The following PTGIS variants were observed in gnomAD, a reference collection of about 807,000 sequenced individuals.
PTGIS encodes the protein prostacyclin synthase.
PTGIS carries 45 observed loss-of-function variants against 50.3 expected under a neutral mutation model. That is an observed-to-expected ratio of 0.90 (90% CI 0.70 to 1.15). The LOEUF is 1.15. Among genes scored for constraint, PTGIS ranks in the 50% most tolerant of loss-of-function variants. PTGIS has a pLI of 0.00. For missense variants in PTGIS, 668 were observed against 661.3 expected, an observed-to-expected ratio of 1.01 and a Z score of -0.11; for synonymous variants, 260 against 267.7, an observed-to-expected ratio of 0.97 and a Z score of 0.28.
At chr20:49,522,383 A>G (rs1168921845) in intron 6 of PTGIS, among the ~76,000 whole-genome samples, 1 of 151,884 alleles carries the variant, frequency 6.6e-6, no homozygotes, top group Non-Finnish European at 1.5e-5. Flanking sequence ...TCTACATATC[A>G]TCATCTAAAA....
At chr20:49,533,921 A>G (rs1982000941) in intron 5 of PTGIS, among the ~76,000 whole-genome samples, 1 of 152,170 alleles carries the variant, frequency 6.6e-6, no homozygotes, top group Non-Finnish European at 1.5e-5. Flanking sequence ...AGATCGTGCC[A>G]CTGCACTCCA....
At chr20:49,548,089 C>A in intron 2 of PTGIS, 70 bp from the exon 3 acceptor site, 1 of 1,468,054 alleles carries the variant, frequency 6.8e-7, no homozygotes. Flanking sequence ...GTGGTCAGGG[C>A]CTTACTGTGT....
At chr20:49,568,013 T>C in intron 1 of PTGIS, 30 bp downstream of exon 1, 2 of 1,467,840 alleles carry the variant, frequency 1.4e-6, no homozygotes, top group South Asian at 1.3e-5. Context: ...CCCCTTTGTC[T>C]GGCGGGGCCG....
chr20:49,548,075 C>T (rs1403592773), intron 2 of PTGIS, 56 bp from the exon 3 acceptor site: 1 of 1,547,232 alleles, frequency 6.5e-7, no homozygotes, highest in East Asian at 2.3e-5. Flanking sequence ...AGCAGCCGCT[C>T]TCAGTGGTCA....
chr20:49,511,215 C>G (rs1394498823), intron 8 of PTGIS, 36 bp from the exon 9 acceptor site: 2 of 1,611,876 alleles, frequency 1.2e-6, no homozygotes, highest in Non-Finnish European at 1.7e-6. Context: ...TGACCCCATT[C>G]CCAGAACAAG....
At chr20:49,513,653 G>T (rs1981389643) in intron 7 of PTGIS, among the ~76,000 whole-genome samples, 1 of 152,160 alleles carries the variant, frequency 6.6e-6, no homozygotes, top group Admixed American at 6.5e-5. Context: ...TTAGACTGCT[G>T]CTTCTATGCT....
intron 7 of PTGIS, among the ~76,000 whole-genome samples, 175 bp downstream of exon 7, chr20:49,514,052 A>G (rs1478057344): frequency 6.6e-6 from 1 of 152,172 alleles, no homozygotes; most frequent in Non-Finnish European, 1.5e-5. Context: ...CTTGACCCCT[A>G]GCTGAGGCTG....
intron 9 of PTGIS, 137 bp from the exon 10 acceptor site, chr20:49,508,201 G>A: frequency 9.4e-7 from 1 of 1,064,846 alleles, no homozygotes; most frequent in South Asian, 1.3e-5. Flanking sequence ...TGAGGAAGTA[G>A]AAGAAACGCA....
At chr20:49,560,508 G>A (rs1009524723) in intron 1 of PTGIS, among the ~76,000 whole-genome samples, 4 of 152,136 alleles carry the variant, frequency 2.6e-5, no homozygotes, top group African/African-American at 9.7e-5. Flanking sequence ...CAGCCCAAAA[G>A]GGTGAACTAA....
intron 6 of PTGIS, among the ~76,000 whole-genome samples, chr20:49,520,554 A>G (rs1360717831): frequency 2.6e-5 from 4 of 151,714 alleles, no homozygotes; most frequent in African/African-American, 9.7e-5. Context: ...GGCTGGTCTC[A>G]AACTCCTGAT....
rs544783577 is a variant in PTGIS at position 49,517,480 on chromosome 20, A to G, written c.856-3085T>C. Among the ~76,000 whole-genome samples, 469 of 151,958 alleles carry G rather than the reference A, an allele frequency of 3.1e-3. 4 individuals carry two copies. Among genetic ancestry groups the G allele is most frequent in the Admixed American group, 0.017 (259 of 15,258 alleles). ...TGTGTGTGTGTGTGTGTGTGTGTGC[A>G]CACACAACCATAAGAGATCCTGAAT... On this transcript the variant is annotated intron_variant, in intron 6 of 9. Coordinates refer to ENST00000244043, the MANE Select transcript of PTGIS (RefSeq NM_000961.4).
Position 49,558,577 on chromosome 20 carries a change from T to C in PTGIS, c.75-8388A>G, listed in dbSNP as rs565568077. ...ACCCTAAAGAATTGAAAACGTTGGA[T>C]CTTATACAAATGTATACACTATTAT... On this transcript the variant is annotated intron_variant, in intron 1 of 9. Transcript: ENST00000244043. Among the ~76,000 whole-genome samples the C allele has an allele frequency of 3.3e-5, 5 of 152,268 alleles. 1 individual carries two copies. Among genetic ancestry groups the C allele is most frequent in the Admixed American group, 2.6e-4 (4 of 15,298 alleles).
At chr20:49,544,120 T>C (rs1209548673) in intron 4 of PTGIS, among the ~76,000 whole-genome samples, 185 bp downstream of exon 4, 5 of 152,236 alleles carry the variant, frequency 3.3e-5, no homozygotes, top group Non-Finnish European at 5.9e-5. Flanking sequence ...TTACAGTTCA[T>C]GAGCTAGGTC....
intron 5 of PTGIS, among the ~76,000 whole-genome samples, chr20:49,527,465 T>A (rs1039878416): frequency 6.6e-6 from 1 of 151,866 alleles, no homozygotes; most frequent in East Asian, 1.9e-4. Flanking sequence ...AAATCTCATA[T>A]AATGAGAATC....
intron 4 of PTGIS, among the ~76,000 whole-genome samples, chr20:49,542,441 A>G (rs945325788): frequency 1.3e-5 from 2 of 152,228 alleles, no homozygotes; most frequent in Non-Finnish European, 2.9e-5. Context: ...ACCGGGTTAC[A>G]GGTATGGATT....
intron 5 of PTGIS, among the ~76,000 whole-genome samples, chr20:49,528,236 T>C (rs1981840798): frequency 2.0e-5 from 3 of 152,216 alleles, no homozygotes; most frequent in Admixed American, 1.3e-4. Flanking sequence ...TCATAAGTTT[T>C]AAATTACATG....
intron 1 of PTGIS, among the ~76,000 whole-genome samples, chr20:49,551,122 G>A (rs1183146621): frequency 6.6e-6 from 1 of 152,094 alleles, no homozygotes; most frequent in Non-Finnish European, 1.5e-5. Flanking sequence ...CAGGAGAATC[G>A]CTTGAACCCA....
intron 5 of PTGIS, among the ~76,000 whole-genome samples, chr20:49,525,889 C>T (rs185668246): frequency 9.2e-5 from 14 of 151,930 alleles, no homozygotes; most frequent in East Asian, 1.9e-4. Context: ...TTGAAAGGGT[C>T]GAAAATGTAG....
At chr20:49,555,060 C>T (rs757084632) in intron 1 of PTGIS, among the ~76,000 whole-genome samples, 3 of 152,142 alleles carry the variant, frequency 2.0e-5, no homozygotes, top group Non-Finnish European at 4.4e-5. Context: ...CACTTGAGGT[C>T]AGGAGTTCAA....
Sources: allele counts gnomAD v4.1 joint callset (sites outside exome capture counted in the v4.1 genomes callset), GRCh38; gene constraint gnomAD v4.1.1; transcripts MANE v1.5; gene names NCBI Gene and HGNC (gene_info 2026-07-23, HGNC 2026-07-21).